The following NFKB1 variants were observed in gnomAD, a reference collection of about 807,000 sequenced individuals.
NFKB1 encodes nuclear factor NF-kappa-B p105 subunit.
Under a neutral mutation model 105.1 loss-of-function variants are expected in NFKB1, and 9 were observed. The ratio of observed to expected loss-of-function variants is 0.09; its 90% confidence interval spans 0.05 to 0.15. NFKB1 has a LOEUF of 0.15. NFKB1 is among the 10% of genes least tolerant of loss of function. The pLI is 1.00. For missense variants in NFKB1, 830 were observed against 1,203.7 expected, an observed-to-expected ratio of 0.69 and a Z score of 4.59; for synonymous variants, 440 against 442.2, an observed-to-expected ratio of 1.00 and a Z score of 0.06.
intron 2 of NFKB1, among the ~76,000 whole-genome samples, chr4:102,528,218 A>G (rs952883368): frequency 6.6e-6 from 1 of 152,060 alleles, no homozygotes; most frequent in African/African-American, 2.4e-5. Context: ...CACCACAGGA[A>G]AGAGTTTTCC....
At chr4:102,593,677 G>T (rs1726366181) in intron 12 of NFKB1, 109 bp downstream of exon 12, 2 of 1,008,524 alleles carry the variant, frequency 2.0e-6, no homozygotes, top group African/African-American at 1.7e-5. Context: ...TGATATTATT[G>T]AGTATATTAA....
At chr4:102,546,909 AG>A (rs1456192578) in intron 5 of NFKB1, among the ~76,000 whole-genome samples, 2 of 152,170 alleles carry the variant, frequency 1.3e-5, no homozygotes, top group Non-Finnish European at 2.9e-5. Flanking sequence ...ACAGATTCAG[AG>A]TTAAGTGTAT....
intron 6 of NFKB1, among the ~76,000 whole-genome samples, chr4:102,575,498 C>G (rs1321606990): frequency 1.3e-5 from 2 of 152,066 alleles, no homozygotes; most frequent in Non-Finnish European, 2.9e-5. Flanking sequence ...CTGCTTACCT[C>G]TCTGAATTCT....
chr4:102,541,014 A>G (rs1741965536), intron 5 of NFKB1, among the ~76,000 whole-genome samples: 1 of 152,174 alleles, frequency 6.6e-6, no homozygotes, highest in Non-Finnish European at 1.5e-5. Flanking sequence ...TAAGGGAAAC[A>G]GTGGGATAGA....
intron 1 of NFKB1, among the ~76,000 whole-genome samples, chr4:102,514,582 A>G (rs974711568): frequency 1.3e-5 from 2 of 152,102 alleles, no homozygotes; most frequent in African/African-American, 4.8e-5. Context: ...GCTCTTTATA[A>G]ATTACCCAGT....
intron 9 of NFKB1, among the ~76,000 whole-genome samples, chr4:102,582,557 C>T (rs958354309): frequency 1.3e-5 from 2 of 152,048 alleles, no homozygotes. Context: ...CTTCCACCAT[C>T]GTTCGTGTTT....
Position 102,519,708 on chromosome 4 carries a change from A to T in NFKB1, c.-7-5804A>T, listed in dbSNP as rs759758486. 1.2e-3 allele frequency among the ~76,000 whole-genome samples: 176 copies of T among 152,188 alleles called. 1 individual carries two copies. Among genetic ancestry groups the T allele is most frequent in the Non-Finnish European group, 6.2e-4 (42 of 68,034 alleles). On this transcript the variant is annotated intron_variant, in intron 1 of 23. Coordinates refer to ENST00000226574, the MANE Select transcript of NFKB1 (RefSeq NM_003998.4). ...AAATAAGTAATGTTATATGCCAAAG[A>T]GGAAAACCACTTCTGCCTCCTAAAC...
At chr4:102,533,230 G>GA (rs1179270426) in intron 3 of NFKB1, among the ~76,000 whole-genome samples, 3 of 152,102 alleles carry the variant, frequency 2.0e-5, no homozygotes, top group African/African-American at 7.2e-5. Flanking sequence ...TGTCGGGGAG[G>GA]AAAGGGGAAA....
At chr4:102,503,901 G>A (rs149208738) in intron 1 of NFKB1, among the ~76,000 whole-genome samples, 2 of 152,274 alleles carry the variant, frequency 1.3e-5, no homozygotes, top group African/African-American at 4.8e-5. Flanking sequence ...AATTGATTAA[G>A]TAAGTTACTA....
At chr4:102,525,381 G>T (rs868352488) in intron 1 of NFKB1, 131 bp from the exon 2 acceptor site, 2 of 736,448 alleles carry the variant, frequency 2.7e-6, no homozygotes, top group African/African-American at 1.8e-5. Context: ...TCCTCCTATG[G>T]TCTTCAAAAA....
At chr4:102,607,994 G>A (rs1727978154) in intron 19 of NFKB1, among the ~76,000 whole-genome samples, 1 of 152,170 alleles carries the variant, frequency 6.6e-6, no homozygotes, top group Non-Finnish European at 1.5e-5. Flanking sequence ...TTTGTTTGGG[G>A]TTTGATTGTT....
In NFKB1 at chr4:102,616,661, A is replaced by G. The variant is rs1351462110; in HGVS notation, c.*67A>G. ...AATTCCACTGCGTTGTCCACAAGAC[A>G]GAAGCTGAAGTGCATCCAAAGGTGC... On this transcript the variant is annotated 3_prime_UTR_variant, in exon 24 of 24. Coordinates refer to ENST00000226574, the MANE Select transcript of NFKB1 (RefSeq NM_003998.4). 2 of 1,536,038 alleles carry G rather than the reference A, an allele frequency of 1.3e-6. No individual in the cohort carries two copies. Among genetic ancestry groups the G allele is most frequent in the African/African-American group, 1.4e-5 (1 of 73,512 alleles).
chr4:102,528,513 A>G (rs897502160), intron 2 of NFKB1, among the ~76,000 whole-genome samples: 7 of 152,138 alleles, frequency 4.6e-5, no homozygotes, highest in African/African-American at 1.7e-4. Flanking sequence ...AGAACTTTCA[A>G]TAATTTACTA....
intron 23 of NFKB1, among the ~76,000 whole-genome samples, chr4:102,614,279 G>A (rs1728727308): frequency 6.6e-6 from 1 of 152,064 alleles, no homozygotes; most frequent in African/African-American, 2.4e-5. Flanking sequence ...GCCCAGCTGA[G>A]GAGCCACCTC....
chr4:102,576,078 T>G (rs1354332383), intron 6 of NFKB1, among the ~76,000 whole-genome samples: 1 of 152,228 alleles, frequency 6.6e-6, no homozygotes, highest in Non-Finnish European at 1.5e-5. Context: ...TTTTATATAT[T>G]TTCTTATAAA....
intron 1 of NFKB1, among the ~76,000 whole-genome samples, chr4:102,518,980 T>A (rs747829880): frequency 6.6e-6 from 1 of 152,152 alleles, no homozygotes; most frequent in Non-Finnish European, 1.5e-5. Flanking sequence ...TGTCCGTAGG[T>A]CTGCCAAGAC....
At chr4:102,615,564 T>G (rs1728873734) in intron 23 of NFKB1, among the ~76,000 whole-genome samples, 1 of 152,230 alleles carries the variant, frequency 6.6e-6, no homozygotes, top group East Asian at 1.9e-4. Context: ...GTGCTCCTTC[T>G]GCACAGATAT....
At chr4:102,599,758 C>T (rs1049209964) in intron 15 of NFKB1, among the ~76,000 whole-genome samples, 1 of 152,086 alleles carries the variant, frequency 6.6e-6, no homozygotes, top group Admixed American at 6.5e-5. Flanking sequence ...GATAATATTA[C>T]CTAACTCATA....
intron 1 of NFKB1, 199 bp downstream of exon 1, chr4:102,501,987 C>G (rs1444467783): frequency 6.6e-6 from 1 of 152,308 alleles, no homozygotes; most frequent in Non-Finnish European, 1.5e-5. Flanking sequence ...ACATCCGGAC[C>G]TCGCAGGGGC....
Sources: allele counts gnomAD v4.1 joint callset (sites outside exome capture counted in the v4.1 genomes callset), GRCh38; gene constraint gnomAD v4.1.1; transcripts MANE v1.5; gene names NCBI Gene and HGNC (gene_info 2026-07-23, HGNC 2026-07-21).